SMYD3: variants seen among roughly 807,000 people sequenced by gnomAD.
SMYD3 encodes the protein histone-lysine N-methyltransferase SMYD3.
Under a neutral mutation model 57.7 loss-of-function variants are expected in SMYD3, and 36 were observed. The observed-to-expected ratio is 0.62, with a 90% confidence interval of 0.48 to 0.82. The LOEUF (loss-of-function observed/expected upper bound fraction) is 0.82. SMYD3 is among the 40% of genes least tolerant of loss of function. SMYD3 has a pLI of 0.00. For missense variants in SMYD3, 515 were observed against 538.8 expected (o/e 0.96, Z 0.44); for synonymous variants, 211 against 195.0 (o/e 1.08, Z -0.68).
intron 8 of SMYD3, among the ~76,000 whole-genome samples, chr1:245,883,102 T>A (rs2052879650): frequency 6.6e-6 from 1 of 152,124 alleles, no homozygotes; most frequent in Admixed American, 6.5e-5. Flanking sequence ...ATCTTTAGGG[T>A]CAGAAAAGAC....
At chr1:246,456,304 T>G (rs1461250080) in intron 1 of SMYD3, among the ~76,000 whole-genome samples, 1 of 152,240 alleles carries the variant, frequency 6.6e-6, no homozygotes, top group Non-Finnish European at 1.5e-5. Context: ...CATACCAAAC[T>G]GTGTCCCTGT....
intron 5 of SMYD3, among the ~76,000 whole-genome samples, chr1:245,994,425 G>C (rs2058882184): frequency 6.6e-6 from 1 of 152,180 alleles, no homozygotes. Context: ...CTGGCCATCG[G>C]GTTACTGTTG....
intron 1 of SMYD3, among the ~76,000 whole-genome samples, chr1:246,447,854 C>A (rs2067571844): frequency 6.6e-6 from 1 of 152,062 alleles, no homozygotes; most frequent in Admixed American, 6.6e-5. Flanking sequence ...CCACTTTTTT[C>A]AAATAGAAGA....
chr1:246,408,923 G>A (rs2066914741), intron 1 of SMYD3, among the ~76,000 whole-genome samples: 2 of 152,150 alleles, frequency 1.3e-5, no homozygotes, highest in South Asian at 4.1e-4. Context: ...GCCCGCTTCG[G>A]TCTCCCAAAG....
At chr1:245,775,727 A>AT (rs1558325015) in intron 10 of SMYD3, among the ~76,000 whole-genome samples, 96 of 135,826 alleles carry the variant, frequency 7.1e-4, no homozygotes, top group African/African-American at 3.1e-3. Context: ...AAAAAAAAAA[A>AT]AAATAAAAAA....
intron 5 of SMYD3, among the ~76,000 whole-genome samples, chr1:246,171,244 A>G (rs2062326904): frequency 6.6e-6 from 1 of 152,244 alleles, no homozygotes; most frequent in African/African-American, 2.4e-5. Context: ...TCTTTTATAA[A>G]AGATATCAAG....
intron 5 of SMYD3, among the ~76,000 whole-genome samples, chr1:246,297,730 T>C (rs1558385247): frequency 6.6e-6 from 1 of 152,198 alleles, no homozygotes; most frequent in Admixed American, 6.5e-5. Flanking sequence ...ATTCACTGTA[T>C]TGACCAGAGA....
At chr1:246,236,026 A>G (rs1224484251) in intron 5 of SMYD3, among the ~76,000 whole-genome samples, 2 of 152,172 alleles carry the variant, frequency 1.3e-5, no homozygotes, top group Non-Finnish European at 2.9e-5. Context: ...GGATATATAC[A>G]TTCCTGAAAA....
chr1:246,160,022 A>G (rs1165759042), intron 5 of SMYD3, among the ~76,000 whole-genome samples: 2 of 152,176 alleles, frequency 1.3e-5, no homozygotes, highest in African/African-American at 4.8e-5. Context: ...AAGTTGACTC[A>G]GCTAAATTCA....
At chr1:246,102,781 A>T (rs1396464019) in intron 5 of SMYD3, among the ~76,000 whole-genome samples, 3 of 151,566 alleles carry the variant, frequency 2.0e-5, no homozygotes, top group African/African-American at 7.3e-5. Flanking sequence ...AATCCTACCT[A>T]CTCCGGAGGC....
chr1:245,828,813 G>A (rs1386769897), intron 10 of SMYD3, among the ~76,000 whole-genome samples: 1 of 150,932 alleles, frequency 6.6e-6, no homozygotes, highest in East Asian at 1.9e-4. Context: ...AGCATTTCTT[G>A]TGCCTCAGCC....
intron 2 of SMYD3, among the ~76,000 whole-genome samples, chr1:246,336,906 G>A (rs2065552748): frequency 6.6e-6 from 1 of 152,136 alleles, no homozygotes; most frequent in South Asian, 2.1e-4. Context: ...AAGGCATAAT[G>A]GCTTATATAA....
intron 11 of SMYD3, among the ~76,000 whole-genome samples, chr1:245,753,675 C>T (rs938964716): frequency 1.3e-5 from 2 of 152,158 alleles, no homozygotes; most frequent in African/African-American, 4.8e-5. Flanking sequence ...CTGTGTGGCC[C>T]TGGGCACAGC....
chr1:246,164,249 T>C (rs1255878110), intron 5 of SMYD3, among the ~76,000 whole-genome samples: 1 of 152,032 alleles, frequency 6.6e-6, no homozygotes, highest in Admixed American at 6.6e-5. Flanking sequence ...GGTGAAACCC[T>C]GTCTCTACTA....
intron 5 of SMYD3, among the ~76,000 whole-genome samples, chr1:246,055,534 C>A (rs116203263): frequency 0.012 from 1,825 of 152,316 alleles, 17 homozygotes; most frequent in Middle Eastern, 0.041. Context: ...AGCACAGATT[C>A]AAATAGGTAT....
At chr1:246,154,989 G>C (rs890230232) in intron 5 of SMYD3, among the ~76,000 whole-genome samples, 1 of 151,960 alleles carries the variant, frequency 6.6e-6, no homozygotes, top group Non-Finnish European at 1.5e-5. Context: ...CACCGTGTTA[G>C]CCAGGATGGT....
chr1:245,816,805 G>A lies in SMYD3; in HGVS notation c.1076+41691C>T, dbSNP rs190446980. On this transcript the variant is annotated intron_variant, in intron 10 of 11. Coordinates refer to ENST00000490107, the MANE Select transcript of SMYD3 (RefSeq NM_001167740.2). ...GGGTGACGGACGCACCTGGAAAATC[G>A]GGTCACTCCCACCCGAATATTGCGC... Among the ~76,000 whole-genome samples the A allele has an allele frequency of 7.0e-3, 1,065 of 152,186 alleles. 26 individuals carry two copies. The highest frequency in any genetic ancestry group is 0.024 in the African/African-American group (1,008 of 41,530).
intron 11 of SMYD3, among the ~76,000 whole-genome samples, chr1:245,750,908 A>G (rs971242447): frequency 4.6e-5 from 7 of 152,148 alleles, no homozygotes; most frequent in Non-Finnish European, 8.8e-5. Context: ...GGGAGCTTCA[A>G]AAGAGACACC....
intron 5 of SMYD3, among the ~76,000 whole-genome samples, chr1:246,323,937 C>T (rs76503522): frequency 0.039 from 5,911 of 152,010 alleles, 186 homozygotes; most frequent in African/African-American, 0.078. Context: ...TTAAAAATGA[C>T]AGATATAAAA....
Sources: gnomAD v4.1 joint callset for allele counts (sites outside exome capture counted in the v4.1 genomes callset) on GRCh38, gnomAD v4.1.1 for gene constraint, MANE v1.5 for transcripts, NCBI Gene and HGNC (gene_info 2026-07-23, HGNC 2026-07-21) for gene names.